RGS20: variants seen among roughly 807,000 people sequenced by gnomAD.
RGS20 encodes the protein regulator of G protein signaling 20, also known as gz-selective GTPase-activating protein.
RGS20 carries 30 observed loss-of-function variants against 33.6 expected under a neutral mutation model. That is an observed-to-expected ratio of 0.89 (90% CI 0.67 to 1.21). The LOEUF (loss-of-function observed/expected upper bound fraction) is 1.21. RGS20 is among the 50% of genes most tolerant of loss of function. The pLI, the probability that RGS20 is intolerant of heterozygous loss-of-function variation, is 0.00. For synonymous variants in RGS20, 208 were observed against 197.9 expected (o/e 1.05, Z -0.43); for missense variants, 472 against 502.4 (o/e 0.94, Z 0.58).
At chr8:53,950,115 C>T (rs1814666097) in intron 4 of RGS20, among the ~76,000 whole-genome samples, 1 of 152,134 alleles carries the variant, frequency 6.6e-6, no homozygotes, top group African/African-American at 2.4e-5. Context: ...GCTAGGATTA[C>T]AAGCGTGAGC....
chr8:53,879,183 A>G, intron 1 of RGS20: 3 of 1,202,244 alleles, frequency 2.5e-6, no homozygotes, highest in Non-Finnish European at 3.6e-6. Flanking sequence ...AAAATTCTGT[A>G]GTAAAGAGCC....
At position 53,948,361 on chromosome 8, in the gene RGS20, TAA is replaced by T. The variant is rs1170716286; in HGVS notation, c.743+1614_743+1615del. 1.8e-4 allele frequency among the ~76,000 whole-genome samples: 26 copies of T among 141,440 alleles called. 1 individual carries two copies. Among genetic ancestry groups the T allele is most frequent in the African/African-American group, 2.1e-4 (8 of 38,234 alleles). 92.8% of individuals were successfully genotyped at this position (141,440 alleles called of 152,430 possible). A position where few individuals can be genotyped will look rare whatever the true frequency, so the allele number is the denominator to read the frequency against. On this transcript the variant is annotated intron_variant, in intron 4 of 5. Transcript: ENST00000297313. ...AGTATATATTTATATATGCTATATA[TAA>T]GACACAGTATATATTTATATATGCT... is the stretch of plus-strand genomic sequence containing the variant.
chr8:53,946,431 T>A, intron 3 of RGS20: 1 of 507,312 alleles, frequency 2.0e-6, no homozygotes, highest in Non-Finnish European at 3.6e-6. Flanking sequence ...TTGAACACAA[T>A]AATTTCTAAC....
At chr8:53,905,763 T>C (rs980264329) in intron 2 of RGS20, among the ~76,000 whole-genome samples, 1 of 152,196 alleles carries the variant, frequency 6.6e-6, no homozygotes, top group African/African-American at 2.4e-5. Flanking sequence ...GGTCTGTTTT[T>C]CTAACTTCAT....
chr8:53,870,993 C>A (rs968940243), intron 1 of RGS20, among the ~76,000 whole-genome samples: 1 of 151,396 alleles, frequency 6.6e-6, no homozygotes, highest in Admixed American at 6.6e-5. Context: ...AGCCTGTAAC[C>A]CCAGCTACTC....
chr8:53,939,824 T>G (rs1585943312), intron 3 of RGS20, 100 bp downstream of exon 2: 1 of 1,365,418 alleles, frequency 7.3e-7, no homozygotes, highest in Non-Finnish European at 9.8e-7. Flanking sequence ...CAGCTTATGG[T>G]TAATTCAATA....
At chr8:53,888,230 T>C (rs1282845608) in intron 2 of RGS20, among the ~76,000 whole-genome samples, 1 of 152,332 alleles carries the variant, frequency 6.6e-6, no homozygotes, top group African/African-American at 2.4e-5. Context: ...CAAATTTCAG[T>C]TGTTAGGACT....
intron 3 of RGS20, among the ~76,000 whole-genome samples, chr8:53,943,638 G>A (rs912164241): frequency 6.6e-6 from 1 of 152,092 alleles, no homozygotes; most frequent in Non-Finnish European, 1.5e-5. Context: ...AAACCACATT[G>A]TCTCTTTAAA....
intron 2 of RGS20, among the ~76,000 whole-genome samples, chr8:53,919,443 G>C (rs2129285897): frequency 6.6e-6 from 1 of 151,900 alleles, no homozygotes; most frequent in African/African-American, 2.4e-5. Flanking sequence ...CCAGGTTCAA[G>C]AGATTCTCCT....
intron 1 of RGS20, among the ~76,000 whole-genome samples, chr8:53,859,706 T>C (rs1037588495): frequency 6.6e-6 from 1 of 152,174 alleles, no homozygotes; most frequent in African/African-American, 2.4e-5. Flanking sequence ...AAAAGAGGTT[T>C]AATGGACTCA....
chr8:53,853,965 T>C (rs184943757), intron 1 of RGS20, among the ~76,000 whole-genome samples: 2 of 152,154 alleles, frequency 1.3e-5, no homozygotes, highest in East Asian at 3.9e-4. Context: ...TAAGAACATA[T>C]ATAGAGGCAG....
chr8:53,891,294 A>G (rs1812703812), intron 2 of RGS20, among the ~76,000 whole-genome samples: 1 of 152,144 alleles, frequency 6.6e-6, no homozygotes, highest in South Asian at 2.1e-4. Context: ...AATTTCACTT[A>G]TTTATCTGAG....
chr8:53,864,486 C>A (rs1280405446), intron 1 of RGS20, among the ~76,000 whole-genome samples: 1 of 151,014 alleles, frequency 6.6e-6, no homozygotes, highest in Non-Finnish European at 1.5e-5. Context: ...TAAAAGCCTG[C>A]ATCGGTGAGT....
At chr8:53,859,868 G>C (rs1207792862) in intron 1 of RGS20, among the ~76,000 whole-genome samples, 2 of 152,156 alleles carry the variant, frequency 1.3e-5, no homozygotes, top group African/African-American at 4.8e-5. Context: ...TCACTATCAT[G>C]AGAACAGCAT....
intron 4 of RGS20, among the ~76,000 whole-genome samples, chr8:53,947,078 T>C (rs945940433): frequency 1.4e-5 from 2 of 147,342 alleles, no homozygotes; most frequent in African/African-American, 4.9e-5. Context: ...ATATAAGATA[T>C]AGCATATATA....
chr8:53,887,376 G>A lies in RGS20; in HGVS notation c.510+7774G>A, dbSNP rs192164411. 16 of 222,134 alleles carry A rather than the reference G, an allele frequency of 7.2e-5. No individual in the cohort carries two copies. The East Asian group carries it at 1.2e-3, about 17-fold the overall frequency. 13.8% of individuals were successfully genotyped at this position (222,134 alleles called of 1,614,324 possible). ...TGTCTTTGCTGATCAGGAGGAATTC[G>A]TTCCTTATCCTGGATATTGGCCTTT... On this transcript the variant is annotated intron_variant, in intron 2 of 5. Transcript: ENST00000297313.
intron 2 of RGS20, among the ~76,000 whole-genome samples, chr8:53,887,864 G>T (rs1812594003): frequency 6.6e-6 from 1 of 152,016 alleles, no homozygotes; most frequent in African/African-American, 2.4e-5. Context: ...TGTAGTCCCA[G>T]CTACTTGGGA....
intron 2 of RGS20, among the ~76,000 whole-genome samples, chr8:53,897,360 G>T (rs1403237042): frequency 6.6e-6 from 1 of 152,212 alleles, no homozygotes; most frequent in African/African-American, 2.4e-5. Flanking sequence ...CTCACTTGTG[G>T]TCAAACTTGG....
intron 2 of RGS20, among the ~76,000 whole-genome samples, chr8:53,921,459 T>C (rs1428733846): frequency 1.3e-5 from 2 of 151,262 alleles, no homozygotes; most frequent in Non-Finnish European, 3.0e-5. Flanking sequence ...TTTTTTTTTT[T>C]AAATACACCA....
Sources: allele counts gnomAD v4.1 joint callset (sites outside exome capture counted in the v4.1 genomes callset), GRCh38; gene constraint gnomAD v4.1.1; transcripts MANE v1.5; gene names NCBI Gene and HGNC (gene_info 2026-07-23, HGNC 2026-07-21).